The following NLGN1 variants were observed in gnomAD, a reference collection of about 807,000 sequenced individuals.
NLGN1 encodes the protein neuroligin 1.
In NLGN1, 12 loss-of-function variants were observed where a neutral mutation model predicts 65.5. The observed-to-expected ratio is 0.18, with a 90% CI of 0.12 to 0.30. NLGN1 has a LOEUF of 0.30. NLGN1 is among the 10% of genes least tolerant of loss of function. The pLI, the probability that NLGN1 is intolerant of heterozygous loss-of-function variation, is 1.00. For missense variants in NLGN1, 750 were observed against 1,007.1 expected (o/e 0.74, Z 3.46); for synonymous variants, 350 against 359.5 (o/e 0.97, Z 0.30).
At chr3:173,996,457 T>C (rs975216183) in intron 4 of NLGN1, among the ~76,000 whole-genome samples, 17 of 152,294 alleles carry the variant, frequency 1.1e-4, no homozygotes, top group African/African-American at 3.8e-4. Flanking sequence ...GATTTGGTGC[T>C]GAGAATGCTA....
intron 1 of NLGN1, among the ~76,000 whole-genome samples, chr3:173,425,564 A>T (rs1166487592): frequency 6.6e-6 from 1 of 152,000 alleles, no homozygotes; most frequent in Non-Finnish European, 1.5e-5. Context: ...CTGCATATGG[A>T]TATCCAGTTT....
chr3:173,700,271 T>C (rs190962710), intron 3 of NLGN1, among the ~76,000 whole-genome samples: 168 of 152,320 alleles, frequency 1.1e-3, no homozygotes, highest in South Asian at 3.7e-3. Flanking sequence ...TTCTGTTTCT[T>C]GGAAAAATAT....
At chr3:173,588,731 AGCATG>A (rs1448644201) in intron 2 of NLGN1, among the ~76,000 whole-genome samples, 1 of 152,190 alleles carries the variant, frequency 6.6e-6, no homozygotes, top group Non-Finnish European at 1.5e-5. Flanking sequence ...GAGATGTGTC[AGCATG>A]TTAGCTTTAG....
intron 3 of NLGN1, among the ~76,000 whole-genome samples, chr3:173,694,411 T>A (rs1398248512): frequency 6.6e-6 from 1 of 152,166 alleles, no homozygotes; most frequent in South Asian, 2.1e-4. Context: ...ATTTAATGTT[T>A]CATTATGTTT....
intron 3 of NLGN1, among the ~76,000 whole-genome samples, chr3:173,666,123 C>T (rs1473236444): frequency 6.6e-6 from 1 of 152,076 alleles, no homozygotes; most frequent in Non-Finnish European, 1.5e-5. Flanking sequence ...AAAGCTCTGA[C>T]CTTACATCTT....
intron 2 of NLGN1, among the ~76,000 whole-genome samples, chr3:173,475,278 A>G (rs1275169257): frequency 1.3e-5 from 2 of 151,516 alleles, no homozygotes; most frequent in African/African-American, 2.4e-5. Flanking sequence ...TTATTCATAT[A>G]TGCTTTAAAT....
intron 3 of NLGN1, among the ~76,000 whole-genome samples, chr3:173,793,617 T>C (rs1477076752): frequency 2.0e-5 from 3 of 152,126 alleles, no homozygotes; most frequent in Non-Finnish European, 4.4e-5. Flanking sequence ...TTAGAAATAT[T>C]TATAAAATTT....
chr3:174,144,095 G>A (rs1446223171), intron 4 of NLGN1, among the ~76,000 whole-genome samples: 1 of 152,086 alleles, frequency 6.6e-6, no homozygotes, highest in Non-Finnish European at 1.5e-5. Flanking sequence ...GCCACAGTGT[G>A]TGATGTTCCC....
chr3:173,767,479 C>G lies in NLGN1; in HGVS notation c.494-40201C>G, dbSNP rs140396514. Among the ~76,000 whole-genome samples the G allele has an allele frequency of 2.6e-4, 40 of 151,870 alleles. 1 individual carries two copies. In the East Asian group the frequency reaches 6.9e-3, roughly 26 times the overall value. Reference sequence around the variant, plus strand: ...TTTATAAGGGGAATAGGCATTTTCACCAGACAGTAATAATAATAATAAATA... The same window carrying G: ...TTTATAAGGGGAATAGGCATTTTCAGCAGACAGTAATAATAATAATAAATA... On this transcript the variant is annotated intron_variant, in intron 3 of 6. Transcript: ENST00000457714.
chr3:174,258,777 A>G (rs891977885), intron 4 of NLGN1, among the ~76,000 whole-genome samples: 1 of 152,206 alleles, frequency 6.6e-6, no homozygotes. Flanking sequence ...CGAACTGTTC[A>G]AAGTTAAAAG....
chr3:174,001,953 A>G, intron 4 of NLGN1, among the ~76,000 whole-genome samples: 1 of 152,082 alleles, frequency 6.6e-6, no homozygotes, highest in East Asian at 1.9e-4. Flanking sequence ...ACTCTGATGT[A>G]GAAAGAAATG....
chr3:173,877,496 G>GAA (rs1305676310), intron 4 of NLGN1, among the ~76,000 whole-genome samples: 1 of 151,634 alleles, frequency 6.6e-6, no homozygotes, highest in Non-Finnish European at 1.5e-5. Flanking sequence ...AAAAAAAAGT[G>GAA]AAAAAAACCC....
At position 174,181,778 on chromosome 3, in the gene NLGN1, T is replaced by TACACACACACACACACACAC. The variant is rs3035853; in HGVS notation, c.647-93527_647-93508dup. 7.3e-3 allele frequency among the ~76,000 whole-genome samples: 1,041 copies of TACACACACACACACACACAC among 142,646 alleles called. 12 individuals are homozygous for TACACACACACACACACACAC. Among genetic ancestry groups the TACACACACACACACACACAC allele is most frequent in the African/African-American group, 0.017 (657 of 37,902 alleles). The allele number at this position is 142,646 out of a possible 152,430, so 93.6% of individuals were successfully genotyped here. On this transcript the variant is annotated intron_variant, in intron 4 of 6. Coordinates refer to ENST00000457714, the Ensembl canonical transcript of NLGN1. ...ACCCTGTCTCTCCAAAAAATAAAAA[T>TACACACACACACACACACAC]ACACACACACACACACACACACACA... is the stretch of plus-strand genomic sequence containing the variant.
chr3:173,694,828 G>T (rs1340284964), intron 3 of NLGN1, among the ~76,000 whole-genome samples: 1 of 152,164 alleles, frequency 6.6e-6, no homozygotes, highest in African/African-American at 2.4e-5. Flanking sequence ...CATGCAGCAT[G>T]TGCACAACCA....
intron 4 of NLGN1, among the ~76,000 whole-genome samples, chr3:174,082,536 G>A (rs1742441222): frequency 6.6e-6 from 1 of 151,426 alleles, no homozygotes; most frequent in Non-Finnish European, 1.5e-5. Context: ...ACATAATAGA[G>A]TTTAAGATAT....
chr3:174,021,170 T>A (rs886796422), intron 4 of NLGN1, among the ~76,000 whole-genome samples: 9 of 151,806 alleles, frequency 5.9e-5, no homozygotes, highest in African/African-American at 1.9e-4. Context: ...AAAACAAGAT[T>A]GTGCGGAAAG....
intron 4 of NLGN1, among the ~76,000 whole-genome samples, chr3:174,016,469 A>G (rs368831494): frequency 1.2e-4 from 19 of 152,294 alleles, no homozygotes; most frequent in Middle Eastern, 3.4e-3. Context: ...TAACCACAGG[A>G]CACTGAGTGC....
intron 2 of NLGN1, among the ~76,000 whole-genome samples, chr3:173,517,750 T>TATC (rs1734041553): frequency 6.8e-5 from 10 of 147,232 alleles, no homozygotes; most frequent in East Asian, 2.0e-4. Context: ...TTTCGCAAAT[T>TATC]TATCTATCTA....
intron 4 of NLGN1, among the ~76,000 whole-genome samples, chr3:173,809,102 C>T (rs1369699756): frequency 8.0e-5 from 6 of 75,068 alleles, no homozygotes; most frequent in Admixed American, 1.3e-4. Context: ...AGATGCACTG[C>T]GTAAGTGTAG....
Sources: allele counts gnomAD v4.1 joint callset (sites outside exome capture counted in the v4.1 genomes callset), GRCh38; gene constraint gnomAD v4.1.1; transcripts MANE v1.5; gene names NCBI Gene and HGNC (gene_info 2026-07-23, HGNC 2026-07-21).